ANKRD26: variants seen among roughly 807,000 people sequenced by gnomAD.
ANKRD26 encodes ankyrin repeat domain 26.
In ANKRD26, 141 loss-of-function variants were observed where a neutral mutation model predicts 208.7. That is an observed-to-expected ratio of 0.68 (90% confidence interval 0.59 to 0.78). The LOEUF (loss-of-function observed/expected upper bound fraction) is 0.78, where lower values mean the gene tolerates loss of function less well. Ranked by LOEUF, ANKRD26 falls within the 30% of genes least tolerant of loss-of-function variation. The pLI is 0.00. For synonymous variants in ANKRD26, 636 were observed against 660.4 expected, an observed-to-expected ratio of 0.96 and a Z score of 0.57; for missense variants, 1,889 against 1,938.7, an observed-to-expected ratio of 0.97 and a Z score of 0.48.
At chr10:27,070,911 C>T (rs2055462417) in intron 9 of ANKRD26, among the ~76,000 whole-genome samples, 1 of 152,026 alleles carries the variant, frequency 6.6e-6, no homozygotes, top group Non-Finnish European at 1.5e-5. Flanking sequence ...ATAATCTGCC[C>T]GCCTTGGCCT....
chr10:26,996,397 T>C (rs1326324645), intron 4 of ANKRD26, among the ~76,000 whole-genome samples: 2 of 152,132 alleles, frequency 1.3e-5, no homozygotes, highest in Admixed American at 1.3e-4. Flanking sequence ...CCATCTCTAC[T>C]AAAAATACAA....
the ANKRD26 span, among the ~76,000 whole-genome samples, chr10:26,965,514 A>C: frequency 6.6e-6 from 1 of 152,254 alleles, no homozygotes; most frequent in East Asian, 1.9e-4. Context: ...TGTAAAACCC[A>C]AAACCATGGA....
At chr10:26,947,859 C>T in the ANKRD26 span, among the ~76,000 whole-genome samples, 1 of 152,176 alleles carries the variant, frequency 6.6e-6, no homozygotes, top group Non-Finnish European at 1.5e-5. Flanking sequence ...AAAAATAATA[C>T]TTAAGGAACT....
chr10:27,077,530 T>C lies in ANKRD26; in HGVS notation c.885A>G (p.Thr295=), dbSNP rs2055744084. ...SQQSRKNLEA[T]YGTVRTGNRT... is the part of the protein sequence containing the mutation. ...TATTTCCTGTTCTCACAGTGCCATA[T>C]GTTGCTTCTACTACAGTAAAAACAA... The change falls in exon 9 of 34, where the codon ACA becomes ACG. Residue 295 remains threonine, a synonymous_variant. Coordinates refer to ENST00000376087, the MANE Select transcript of ANKRD26 (RefSeq NM_014915.3). 6 of 1,614,016 alleles carry C rather than the reference T, an allele frequency of 3.7e-6. No homozygotes were observed. The highest frequency in any genetic ancestry group is 5.1e-6 in the Non-Finnish European group (6 of 1,179,914).
rs1183090303 is a variant in ANKRD26, at chr10:27,005,382, A to G, written c.*208T>C. ...CAGCTCACATTTGGGCAGTTTGAGT[A>G]TGTAAAACTCAATATTCCTGGTTTT... On this transcript the variant is annotated 3_prime_UTR_variant, in exon 34 of 34. Transcript: ENST00000376087. 3.1e-6 allele frequency: 4 copies of G among 1,299,766 alleles called. No homozygotes were observed. The highest frequency in any genetic ancestry group is 3.1e-4 in the Middle Eastern group (1 of 3,250). The allele number at this position is 1,299,766 out of a possible 1,614,324, so 80.5% of individuals were successfully genotyped here.
rs537618593 is a variant in ANKRD26 at position 27,059,000 on chromosome 10, C to T, written c.1564+1345G>A. 2.3e-3 allele frequency among the ~76,000 whole-genome samples: 353 copies of T among 151,760 alleles called. 2 individuals carry two copies. The highest frequency in any genetic ancestry group is 7.8e-3 in the African/African-American group (321 of 41,352). On this transcript the variant is annotated intron_variant, in intron 15 of 33. Transcript: ENST00000376087. Reference sequence around the variant, plus strand: ...TGCAATCTTGGCTCACTGCAAACTCCACCTCCCGGGTTCATGCCATTCTCC... The same window carrying T: ...TGCAATCTTGGCTCACTGCAAACTCTACCTCCCGGGTTCATGCCATTCTCC...
At chr10:26,974,530 T>C (rs571854037) in exon 6 of ANKRD26, among the ~76,000 whole-genome samples, 3 of 152,114 alleles carry the variant, frequency 2.0e-5, no homozygotes, top group African/African-American at 4.8e-5. Flanking sequence ...TTAGTAGAGA[T>C]TGGGTTTCAC....
chr10:26,955,931 TA>T, the ANKRD26 span, among the ~76,000 whole-genome samples: 2 of 152,222 alleles, frequency 1.3e-5, no homozygotes, highest in Non-Finnish European at 2.9e-5. Flanking sequence ...GGTTAGGCAA[TA>T]TTTTTTCATA....
In ANKRD26 at chr10:27,100,431, A is replaced by T; in HGVS notation, c.-105T>A. The T allele has an allele frequency of 2.0e-6, 3 of 1,515,270 alleles. No homozygotes were observed. The highest frequency in any genetic ancestry group is 2.6e-6 in the Non-Finnish European group (3 of 1,133,128). 93.9% of individuals were successfully genotyped at this position (1,515,270 alleles called of 1,614,324 possible). A position where few individuals can be genotyped will look rare whatever the true frequency, so the allele number is the denominator to read the frequency against. On this transcript the variant is annotated 5_prime_UTR_variant, in exon 1 of 34. The change creates a new upstream start codon in the 5' untranslated region. Transcript: ENST00000376087. ...AGCCCCGGCTGGCCGCAGCCTCCCA[A>T]AGGAAACTCCGCGGTTTCCAATCTC...
intron 25 of ANKRD26, among the ~76,000 whole-genome samples, chr10:27,032,405 G>A (rs571982484): frequency 2.0e-4 from 31 of 151,986 alleles, no homozygotes; most frequent in Non-Finnish European, 3.8e-4. Flanking sequence ...GAGGCCGAGG[G>A]GGGTGGATCA....
chr10:26,960,987 G>A, the ANKRD26 span, among the ~76,000 whole-genome samples: 1 of 148,732 alleles, frequency 6.7e-6, no homozygotes, highest in Admixed American at 6.7e-5. Context: ...GGGAGGCTGA[G>A]ACGGGCAGAT....
chr10:26,981,687 T>C (rs2052311115), intron 4 of ANKRD26, among the ~76,000 whole-genome samples: 1 of 152,244 alleles, frequency 6.6e-6, no homozygotes, highest in Non-Finnish European at 1.5e-5. Context: ...CTTCATGTTC[T>C]GCAGCTGCAG....
chr10:27,025,878 C>T (rs1251570644), intron 27 of ANKRD26, among the ~76,000 whole-genome samples: 2 of 152,198 alleles, frequency 1.3e-5, no homozygotes, highest in Non-Finnish European at 2.9e-5. Flanking sequence ...CAACCACACA[C>T]TCATAAACCA....
Position 27,061,258 on chromosome 10 carries a change from T to C in ANKRD26, c.1364-16A>G, listed in dbSNP as rs755866003. 123 of 1,493,984 alleles carry C rather than the reference T, an allele frequency of 8.2e-5. No homozygotes were observed. The highest frequency in any genetic ancestry group is 1.1e-4 in the Non-Finnish European group (115 of 1,075,778). The allele number at this position is 1,493,984 out of a possible 1,614,324, so 92.5% of individuals were successfully genotyped here. A position where few individuals can be genotyped will look rare whatever the true frequency, so the allele number is the denominator to read the frequency against. The stretch of plus-strand genomic sequence containing the variant: ...TAAAACACATCTAAGAAATAATACA[T>C]AATAAGCTTTCAATATTGTAATATT... On this transcript the variant is annotated splice_polypyrimidine_tract_variant and intron_variant, in intron 12 of 33. Transcript: ENST00000376087.
intron 24 of ANKRD26, among the ~76,000 whole-genome samples, chr10:27,034,210 A>C (rs1364031085): frequency 1.3e-5 from 2 of 152,258 alleles, no homozygotes; most frequent in Non-Finnish European, 1.5e-5. Context: ...TAAAGAATTG[A>C]GAGATCATAA....
chr10:26,972,746 G>A (rs914061330), downstream of ANKRD26, among the ~76,000 whole-genome samples: 14 of 151,438 alleles, frequency 9.2e-5, no homozygotes, highest in Non-Finnish European at 1.3e-4. Context: ...GCCCGCCACC[G>A]TGCCCGGCTA....
At chr10:27,098,300 G>A (rs1286728055) in intron 1 of ANKRD26, among the ~76,000 whole-genome samples, 1 of 151,786 alleles carries the variant, frequency 6.6e-6, no homozygotes, top group Non-Finnish European at 1.5e-5. Flanking sequence ...ATGAGCCACA[G>A]GTGCCCAGCC....
In ANKRD26 at chr10:27,012,928, G is replaced by C. The variant is rs2053166747; in HGVS notation, c.4907C>G (p.Ser1636Ter). The C allele has an allele frequency of 6.2e-7, 1 of 1,613,968 alleles. No homozygotes were observed. The highest frequency in any genetic ancestry group is 1.3e-5 in the African/African-American group (1 of 74,924). Residue 1636 changes from serine (S) to a stop codon, truncating the protein, a stop_gained, in exon 32 of 34, where the codon TCA becomes TGA. Coordinates refer to ENST00000376087, the MANE Select transcript of ANKRD26 (RefSeq NM_014915.3). LOFTEE classifies it high-confidence loss of function. ...IPRENLVIST[S>*]NPRASNNSME... ...GCTATTATTTGAAGCCCGTGGATTT[G>C]AGGTAGAGATCACTAAGTTTTCTCT...
At chr10:26,957,985 G>C in the ANKRD26 span, among the ~76,000 whole-genome samples, 1 of 151,860 alleles carries the variant, frequency 6.6e-6, no homozygotes, top group Non-Finnish European at 1.5e-5. Flanking sequence ...TTTAAGTTCA[G>C]GGGTACCGGT....
Sources: gnomAD v4.1 joint callset for allele counts (sites outside exome capture counted in the v4.1 genomes callset) on GRCh38, gnomAD v4.1.1 for gene constraint, MANE v1.5 for transcripts, NCBI Gene and HGNC (gene_info 2026-07-23, HGNC 2026-07-21) for gene names.